The following STXBP5L variants were observed in gnomAD, a reference collection of about 807,000 sequenced individuals.
The protein encoded by STXBP5L is syntaxin-binding protein 5-like.
A neutral mutation model predicts 144.5 loss-of-function variants in STXBP5L; 65 were observed. The ratio of observed to expected loss-of-function variants is 0.45; its 90% CI spans 0.37 to 0.55. The LOEUF (loss-of-function observed/expected upper bound fraction) is 0.55. STXBP5L is among the 20% of genes least tolerant of loss of function. The probability of loss-of-function intolerance (pLI) is 0.00; values close to 1 mark genes in which losing one functional copy is unlikely to be tolerated. For synonymous variants in STXBP5L, 505 were observed against 469.6 expected (o/e 1.08, Z -0.97); for missense variants, 1,298 against 1,405.5 (o/e 0.92, Z 1.22).
intron 20 of STXBP5L, among the ~76,000 whole-genome samples, chr3:121,332,267 C>T (rs1475513056): frequency 6.6e-6 from 1 of 151,412 alleles, no homozygotes; most frequent in Non-Finnish European, 1.5e-5. Context: ...ATCTTTAAAA[C>T]ACCAGATAAA....
At chr3:120,989,923 C>T (rs939789969) in intron 3 of STXBP5L, among the ~76,000 whole-genome samples, 1 of 152,162 alleles carries the variant, frequency 6.6e-6, no homozygotes, top group Admixed American at 6.6e-5. Context: ...TCTCTCACCA[C>T]TTCTGCTCAA....
chr3:121,188,958 G>T lies in STXBP5L; in HGVS notation c.878-16965G>T, dbSNP rs1559842741. On this transcript the variant is annotated intron_variant, in intron 9 of 26. Coordinates refer to ENST00000471454, the MANE Select transcript of STXBP5L (RefSeq NM_001308330.2). Reference sequence around the variant, plus strand: ...AACATAGTTTTGAAAGTTCTGGCCAGGGCAATCAGGCAAGAGAAAGAAATA... The same window carrying T: ...AACATAGTTTTGAAAGTTCTGGCCATGGCAATCAGGCAAGAGAAAGAAATA... Among the ~76,000 whole-genome samples the T allele has an allele frequency of 2.0e-5, 3 of 152,322 alleles. No homozygotes were observed. The South Asian group carries it at 6.2e-4, about 32-fold the overall frequency.
intron 3 of STXBP5L, among the ~76,000 whole-genome samples, chr3:120,966,601 T>C (rs968517907): frequency 1.3e-5 from 2 of 152,304 alleles, no homozygotes; most frequent in African/African-American, 4.8e-5. Flanking sequence ...TGCCTGGGTA[T>C]CACCATTGGA....
chr3:121,145,801 A>G (rs1201434173), intron 7 of STXBP5L, among the ~76,000 whole-genome samples: 1 of 152,052 alleles, frequency 6.6e-6, no homozygotes, highest in Non-Finnish European at 1.5e-5. Flanking sequence ...ATACTCAGAG[A>G]GTTGGTAAAA....
At chr3:121,131,775 G>T (rs1002273244) in intron 7 of STXBP5L, among the ~76,000 whole-genome samples, 2 of 152,302 alleles carry the variant, frequency 1.3e-5, no homozygotes, top group Middle Eastern at 3.4e-3. Context: ...CAGCAAAGTG[G>T]CAGAATAGGA....
chr3:121,333,464 A>T (rs1355397785), intron 20 of STXBP5L, among the ~76,000 whole-genome samples: 1 of 152,098 alleles, frequency 6.6e-6, no homozygotes, highest in Non-Finnish European at 1.5e-5. Flanking sequence ...CAACTAAAAA[A>T]ACTTAGAGGA....
intron 19 of STXBP5L, among the ~76,000 whole-genome samples, chr3:121,283,163 C>T (rs566486948): frequency 1.3e-5 from 2 of 151,876 alleles, no homozygotes; most frequent in Non-Finnish European, 2.9e-5. Flanking sequence ...ATAACATATA[C>T]ATTATACATT....
At chr3:121,342,184 T>C (rs940359464) in intron 20 of STXBP5L, among the ~76,000 whole-genome samples, 1 of 151,998 alleles carries the variant, frequency 6.6e-6, no homozygotes, top group Non-Finnish European at 1.5e-5. Flanking sequence ...ACCTGCACAG[T>C]TCAAACCCTT....
chr3:121,012,583 G>A (rs1446233494), intron 3 of STXBP5L, among the ~76,000 whole-genome samples: 2 of 151,722 alleles, frequency 1.3e-5, no homozygotes, highest in East Asian at 1.9e-4. Flanking sequence ...GACTAATGAT[G>A]TTGACCTTCT....
chr3:121,093,276 G>T (rs1305158595), intron 5 of STXBP5L, among the ~76,000 whole-genome samples: 1 of 152,144 alleles, frequency 6.6e-6, no homozygotes, highest in South Asian at 2.1e-4. Context: ...TCAGGATGAT[G>T]CTGGCCTCAT....
intron 2 of STXBP5L, among the ~76,000 whole-genome samples, chr3:120,938,260 T>G (rs936782061): frequency 3.3e-5 from 5 of 152,294 alleles, no homozygotes; most frequent in Admixed American, 3.3e-4. Flanking sequence ...TCTGCTCATT[T>G]ATTTATTTTT....
intron 5 of STXBP5L, among the ~76,000 whole-genome samples, chr3:121,091,648 T>G (rs2042803192): frequency 2.6e-5 from 4 of 152,228 alleles, no homozygotes; most frequent in Admixed American, 2.0e-4. Context: ...TAAATTTGTT[T>G]GAGTTCATCA....
chr3:121,002,659 C>G (rs1943882744), intron 3 of STXBP5L, among the ~76,000 whole-genome samples: 1 of 152,006 alleles, frequency 6.6e-6, no homozygotes, highest in African/African-American at 2.4e-5. Flanking sequence ...AAGAGATTAA[C>G]TTGTCATTTT....
Position 121,298,077 on chromosome 3 carries a change from A to C in STXBP5L, c.2110+18121A>C, listed in dbSNP as rs145110057. Reference sequence around the variant, plus strand: ...CATTGCTGTTTTCCATCTCAGCTGTACCATTTTACATGCCCACCAATAGTG... The same window carrying C: ...CATTGCTGTTTTCCATCTCAGCTGTCCCATTTTACATGCCCACCAATAGTG... On this transcript the variant is annotated intron_variant, in intron 19 of 26. Transcript: ENST00000471454. Among the ~76,000 whole-genome samples the C allele has an allele frequency of 2.6e-5, 4 of 152,278 alleles. No homozygotes were observed. The East Asian group carries it at 7.7e-4, about 29-fold the overall frequency.
chr3:121,286,104 G>A (rs1263055428), intron 19 of STXBP5L, among the ~76,000 whole-genome samples: 1 of 152,144 alleles, frequency 6.6e-6, no homozygotes, highest in African/African-American at 2.4e-5. Flanking sequence ...TTAATGTAGA[G>A]AATTGTCTAC....
intron 9 of STXBP5L, among the ~76,000 whole-genome samples, chr3:121,200,481 A>G (rs1236820091): frequency 1.3e-5 from 2 of 152,132 alleles, no homozygotes; most frequent in Non-Finnish European, 1.5e-5. Flanking sequence ...TGTCTCCTTC[A>G]GTTCCACTCT....
In STXBP5L at chr3:121,157,592, G is replaced by T; in HGVS notation, c.842G>T (p.Ser281Ile). 2 of 1,604,432 alleles carry T rather than the reference G, an allele frequency of 1.2e-6. No homozygotes were observed. Among genetic ancestry groups the T allele is most frequent in the Non-Finnish European group, 1.7e-6 (2 of 1,175,988 alleles). Reference sequence around the variant, plus strand: ...AGTTTGACTTTATGGAACCTGAAAAGCCCAAGTCGCCCTTTCCAGACCACA... The same window carrying T: ...AGTTTGACTTTATGGAACCTGAAAATCCCAAGTCGCCCTTTCCAGACCACA... ...DGSLTLWNLK[S>I]PSRPFQTTIP... Residue 281 changes from serine (S) to isoleucine (I), a missense_variant, in exon 9 of 27, where the codon AGC becomes ATC. Physicochemically the swap from Ser to Ile is moderately radical, Grantham distance 142. Transcript: ENST00000471454.
At chr3:121,005,952 G>T (rs1944258410) in intron 3 of STXBP5L, among the ~76,000 whole-genome samples, 1 of 152,152 alleles carries the variant, frequency 6.6e-6, no homozygotes, top group African/African-American at 2.4e-5. Flanking sequence ...TACATTTGCT[G>T]AGGAGTGCTT....
chr3:120,995,441 C>G (rs941569745), intron 3 of STXBP5L, among the ~76,000 whole-genome samples: 2 of 152,170 alleles, frequency 1.3e-5, no homozygotes, highest in African/African-American at 4.8e-5. Flanking sequence ...AGCCACCACA[C>G]CTGGCTGTTT....
Sources: allele counts gnomAD v4.1 joint callset (sites outside exome capture counted in the v4.1 genomes callset), GRCh38; gene constraint gnomAD v4.1.1; transcripts MANE v1.5; gene names NCBI Gene and HGNC (gene_info 2026-07-23, HGNC 2026-07-21).